The following NEMP2 variants were observed in gnomAD, a reference collection of about 807,000 sequenced individuals.
The protein encoded by NEMP2 is UPF0571 transmembrane protein.
Under a neutral mutation model 54.2 loss-of-function variants are expected in NEMP2, and 53 were observed. That is an observed-to-expected ratio of 0.98 (90% CI 0.78 to 1.23). NEMP2 has a LOEUF of 1.23. NEMP2 is among the 50% of genes most tolerant of loss of function. NEMP2 has a pLI of 0.00. For synonymous variants in NEMP2, 197 were observed against 190.3 expected, an observed-to-expected ratio of 1.04 and a Z score of -0.29; for missense variants, 455 against 511.3, an observed-to-expected ratio of 0.89 and a Z score of 1.06.
chr2:190,459,859 T>G, the NEMP2 span, among the ~76,000 whole-genome samples: 155 of 152,358 alleles, frequency 1.0e-3, no homozygotes, highest in Non-Finnish European at 1.6e-3. The surrounding 1 kb of genome is among the most constrained non-coding windows in gnomAD (Gnocchi z 5.3). Context: ...GAAGGAAGTA[T>G]TAGTAGCTGC....
At chr2:190,437,118 C>T in the NEMP2 span, 10 of 1,614,238 alleles carry the variant, frequency 6.2e-6, no homozygotes, top group South Asian at 4.4e-5. This position sits in a 1 kb window ranked among gnomAD's most constrained non-coding sequence, Gnocchi z 5.9. Context: ...GTAAGCCCCC[C>T]GAGTACAGGA....
chr2:190,619,155 G>A, the NEMP2 span, among the ~76,000 whole-genome samples: 39 of 152,088 alleles, frequency 2.6e-4, no homozygotes, highest in African/African-American at 9.2e-4. This position sits in a 1 kb window ranked among gnomAD's most constrained non-coding sequence, Gnocchi z 5.5. Flanking sequence ...AAGGTGGAAG[G>A]ATTGCTTGAG....
chr2:190,553,540 G>A, the NEMP2 span: 1 of 152,256 alleles, frequency 6.6e-6, no homozygotes, highest in Admixed American at 6.5e-5. Flanking sequence ...AGTGGCATTT[G>A]AATTGAGGTT....
chr2:190,645,061 G>A, the NEMP2 span, among the ~76,000 whole-genome samples: 1 of 151,948 alleles, frequency 6.6e-6, no homozygotes, highest in African/African-American at 2.4e-5. Context: ...ACTCCTAACA[G>A]GTAAAAACAA....
chr2:190,587,114 T>C, the NEMP2 span, among the ~76,000 whole-genome samples: 2 of 152,330 alleles, frequency 1.3e-5, no homozygotes, highest in East Asian at 3.9e-4. The surrounding 1 kb of genome is among the most constrained non-coding windows in gnomAD (Gnocchi z 5.4). Flanking sequence ...TAATTCTCTG[T>C]CCTGATCGAG....
At chr2:190,480,214 G>A in the NEMP2 span, among the ~76,000 whole-genome samples, 1 of 152,200 alleles carries the variant, frequency 6.6e-6, no homozygotes, top group Non-Finnish European at 1.5e-5. Context: ...TGCTCTGCAA[G>A]AGCATGGGGA....
chr2:190,431,963 A>G, the NEMP2 span, among the ~76,000 whole-genome samples: 2 of 152,170 alleles, frequency 1.3e-5, no homozygotes, highest in Admixed American at 6.5e-5. This position sits in a 1 kb window ranked among gnomAD's most constrained non-coding sequence, Gnocchi z 4.4. Context: ...GAAGATAATC[A>G]TATATTCAAA....
the NEMP2 span, among the ~76,000 whole-genome samples, chr2:190,576,632 C>T: frequency 6.8e-5 from 4 of 59,140 alleles, no homozygotes; most frequent in East Asian, 4.5e-4. Flanking sequence ...CGGGGTGGGG[C>T]GGGGGGGGAT....
chr2:190,559,447 G>C, the NEMP2 span, among the ~76,000 whole-genome samples: 1 of 152,116 alleles, frequency 6.6e-6, no homozygotes, highest in Admixed American at 6.5e-5. This position sits in a 1 kb window ranked among gnomAD's most constrained non-coding sequence, Gnocchi z 4.0. Context: ...AGGTTGTCAG[G>C]GTGAGTGTAG....
the NEMP2 span, among the ~76,000 whole-genome samples, chr2:190,595,841 C>T: frequency 8.5e-5 from 13 of 152,140 alleles, no homozygotes; most frequent in Non-Finnish European, 1.8e-4. The surrounding 1 kb of genome is among the most constrained non-coding windows in gnomAD (Gnocchi z 4.0). Flanking sequence ...GACAGTGTGG[C>T]GATTCCTCAA....
At chr2:190,483,083 G>A in the NEMP2 span, among the ~76,000 whole-genome samples, 23,713 of 149,566 alleles carry the variant, frequency 0.16, 1,904 homozygotes, top group Middle Eastern at 0.22. Context: ...TAGTAGAGAC[G>A]GGGTTTCACC....
At chr2:190,579,108 A>C in the NEMP2 span, among the ~76,000 whole-genome samples, 2 of 151,750 alleles carry the variant, frequency 1.3e-5, no homozygotes, top group Admixed American at 1.3e-4. Flanking sequence ...GTTAGAAATA[A>C]ATACTTTCCA....
chr2:190,475,956 T>C, the NEMP2 span, among the ~76,000 whole-genome samples: 1 of 152,152 alleles, frequency 6.6e-6, no homozygotes, highest in Non-Finnish European at 1.5e-5. Context: ...AAACAAGAAA[T>C]AGGGAAAGGA....
At chr2:190,580,896 G>C in the NEMP2 span, among the ~76,000 whole-genome samples, 3 of 152,156 alleles carry the variant, frequency 2.0e-5, no homozygotes, top group African/African-American at 7.2e-5. This position sits in a 1 kb window ranked among gnomAD's most constrained non-coding sequence, Gnocchi z 5.3. Flanking sequence ...AGACATTTGA[G>C]GACATGGAGT....
the NEMP2 span, among the ~76,000 whole-genome samples, chr2:190,640,686 A>G: frequency 1.3e-5 from 2 of 151,326 alleles, no homozygotes; most frequent in Non-Finnish European, 2.9e-5. Flanking sequence ...GGATATATGC[A>G]TTGTCCTTTC....
chr2:190,613,870 G>A, the NEMP2 span, among the ~76,000 whole-genome samples: 89 of 151,992 alleles, frequency 5.9e-4, no homozygotes, highest in Admixed American at 2.7e-3. Flanking sequence ...GATTACAGAC[G>A]TGAGCCACCG....
the NEMP2 span, among the ~76,000 whole-genome samples, chr2:190,460,464 G>T: frequency 6.6e-6 from 1 of 152,154 alleles, no homozygotes; most frequent in South Asian, 2.1e-4. Flanking sequence ...TTAGCATAGA[G>T]TATGTTCAAT....
At chr2:190,503,264 A>G (rs991140246), downstream of NEMP2, among the ~76,000 whole-genome samples, 1 of 152,236 alleles carries the variant, frequency 6.6e-6, no homozygotes, top group Non-Finnish European at 1.5e-5. This position sits in a 1 kb window ranked among gnomAD's most constrained non-coding sequence, Gnocchi z 6.3. Flanking sequence ...GGCCAGGGCC[A>G]TGGAAATCAG....
the NEMP2 span, among the ~76,000 whole-genome samples, chr2:190,624,129 G>T: frequency 6.6e-6 from 1 of 151,938 alleles, no homozygotes; most frequent in African/African-American, 2.4e-5. Context: ...AAAAGGAGTT[G>T]GGGGGCAAAA....
Sources: allele counts gnomAD v4.1 joint callset (sites outside exome capture counted in the v4.1 genomes callset), GRCh38; gene constraint gnomAD v4.1.1; non-coding constraint Gnocchi (gnomAD v3.1); transcripts MANE v1.5; gene names NCBI Gene and HGNC (gene_info 2026-07-23, HGNC 2026-07-21).